WWP2: variants seen among roughly 807,000 people sequenced by gnomAD.
WWP2 encodes WW domain containing E3 ubiquitin protein ligase 2, also known as NEDD4-like E3 ubiquitin-protein ligase WWP2.
Under a neutral mutation model 121.0 loss-of-function variants are expected in WWP2, and 57 were observed. That is an observed-to-expected ratio of 0.47 (90% CI 0.38 to 0.59). WWP2 has a LOEUF of 0.59. WWP2 is among the 20% of genes least tolerant of loss of function. WWP2 has a pLI of 0.00. For missense variants in WWP2, 962 were observed against 1,158.9 expected, an observed-to-expected ratio of 0.83 and a Z score of 2.47; for synonymous variants, 449 against 441.3, an observed-to-expected ratio of 1.02 and a Z score of -0.22.
intron 4 of WWP2, among the ~76,000 whole-genome samples, chr16:69,804,639 G>T (rs1014972554): frequency 6.6e-6 from 1 of 151,678 alleles, no homozygotes; most frequent in Non-Finnish European, 1.5e-5. Flanking sequence ...AAGTCTTCAT[G>T]CTTCTTTTCT....
intron 4 of WWP2, among the ~76,000 whole-genome samples, chr16:69,814,700 C>T (rs1028960781): frequency 1.3e-5 from 2 of 152,126 alleles, no homozygotes; most frequent in Non-Finnish European, 1.5e-5. Context: ...CTTTACATTC[C>T]AAGAACAGAC....
intron 6 of WWP2, among the ~76,000 whole-genome samples, 191 bp downstream of exon 6, chr16:69,842,311 A>T (rs1189103474): frequency 6.6e-6 from 1 of 151,582 alleles, no homozygotes; most frequent in Admixed American, 6.6e-5. Context: ...TTTTTTTTTT[A>T]ATTGAATTTG....
chr16:69,864,006 A>T (rs1203230279), intron 6 of WWP2, among the ~76,000 whole-genome samples: 1 of 152,336 alleles, frequency 6.6e-6, no homozygotes, highest in East Asian at 1.9e-4. Flanking sequence ...GCTTACAAGC[A>T]AAGCCTCTAT....
rs2055808305 is a variant in WWP2, at chr16:69,787,034, G to T, written c.24G>T (p.Arg8=). The T allele has an allele frequency of 1.2e-6, 2 of 1,612,806 alleles. No individual in the cohort carries two copies. The highest frequency in any genetic ancestry group is 1.7e-4 in the Middle Eastern group (1 of 6,058). The change falls in exon 2 of 24, where the codon CGG becomes CGT. Residue 8 remains arginine, a synonymous_variant. Coordinates refer to ENST00000359154, the MANE Select transcript of WWP2 (RefSeq NM_001270454.2). MASASSS[R]AGVALPFEKS... The stretch of plus-strand genomic sequence containing the variant: ...ATATGGCATCTGCCAGCTCTAGCCG[G>T]GCAGGAGTGGCCCTGCCTTTTGAGA...
At chr16:69,889,850 G>GA (rs1160538365) in intron 8 of WWP2, among the ~76,000 whole-genome samples, 1 of 152,054 alleles carries the variant, frequency 6.6e-6, no homozygotes, top group Non-Finnish European at 1.5e-5. Context: ...ATTCATAAAG[G>GA]AAAAAAGAAG....
chr16:69,878,951 T>C (rs1023865906), intron 7 of WWP2, among the ~76,000 whole-genome samples: 1 of 152,184 alleles, frequency 6.6e-6, no homozygotes, highest in Non-Finnish European at 1.5e-5. Context: ...ATTCATAAAG[T>C]GGTATATGAG....
chr16:69,908,723 A>G (rs750497012), intron 8 of WWP2, 38 bp from the exon 9 acceptor site: 15 of 1,613,140 alleles, frequency 9.3e-6, no homozygotes, highest in Admixed American at 3.3e-5. Flanking sequence ...ATGCCTTTCC[A>G]CTGTGTGTCT....
intron 2 of WWP2, among the ~76,000 whole-genome samples, chr16:69,792,455 A>G (rs1212745235): frequency 6.6e-6 from 1 of 152,216 alleles, no homozygotes; most frequent in African/African-American, 2.4e-5. Context: ...GACTCTGTGT[A>G]TAAAGATATA....
At chr16:69,773,937 A>C (rs1219295923) in intron 1 of WWP2, among the ~76,000 whole-genome samples, 2 of 152,182 alleles carry the variant, frequency 1.3e-5, no homozygotes, top group African/African-American at 4.8e-5. Flanking sequence ...TCCTCAACCC[A>C]GCTTCATATT....
intron 4 of WWP2, among the ~76,000 whole-genome samples, chr16:69,806,431 G>A (rs1301825001): frequency 6.6e-6 from 1 of 152,134 alleles, no homozygotes; most frequent in African/African-American, 2.4e-5. Context: ...ATTTTATAAA[G>A]TAAATTGATG....
intron 10 of WWP2, among the ~76,000 whole-genome samples, chr16:69,921,510 C>A (rs1204864695): frequency 6.6e-6 from 1 of 152,240 alleles, no homozygotes; most frequent in Non-Finnish European, 1.5e-5. Context: ...TCTGCCTCAA[C>A]ACACACCTTC....
At chr16:69,930,306 G>A in intron 13 of WWP2, 48 bp downstream of exon 13, 1 of 1,603,154 alleles carries the variant, frequency 6.2e-7, no homozygotes, top group Non-Finnish European at 8.5e-7. Context: ...CGAGGCCCAG[G>A]CTGTCCTTGT....
intron 23 of WWP2, 148 bp from the exon 24 acceptor site, chr16:69,939,693 G>A (rs2058850834): frequency 1.3e-6 from 1 of 747,226 alleles, no homozygotes; most frequent in South Asian, 1.9e-5. Context: ...CATGGTCCAG[G>A]CACCTGCAAT....
intron 7 of WWP2, among the ~76,000 whole-genome samples, chr16:69,885,213 A>T (rs1355839888): frequency 6.6e-6 from 1 of 152,086 alleles, no homozygotes; most frequent in African/African-American, 2.4e-5. Flanking sequence ...GAATAAATTC[A>T]TCTAGCTCTG....
At chr16:69,763,727 A>G (rs760625605) in intron 1 of WWP2, among the ~76,000 whole-genome samples, 2 of 152,144 alleles carry the variant, frequency 1.3e-5, no homozygotes, top group African/African-American at 4.8e-5. Context: ...TAGATTGCAA[A>G]TCCTTCAAGG....
intron 6 of WWP2, among the ~76,000 whole-genome samples, chr16:69,859,302 C>T (rs1205726865): frequency 6.6e-6 from 1 of 152,120 alleles, no homozygotes; most frequent in Non-Finnish European, 1.5e-5. Context: ...CCTGTAATTC[C>T]AGCACTTTGG....
chr16:69,867,635 G>A (rs887101900), intron 6 of WWP2, among the ~76,000 whole-genome samples: 16 of 152,184 alleles, frequency 1.1e-4, no homozygotes, highest in Non-Finnish European at 7.3e-5. Flanking sequence ...GGTCCTGGTC[G>A]TGGCTGGCCT....
intron 6 of WWP2, among the ~76,000 whole-genome samples, chr16:69,861,684 G>A (rs1446403747): frequency 6.6e-6 from 1 of 150,964 alleles, no homozygotes; most frequent in Middle Eastern, 3.2e-3. Context: ...GAGTGGGGAG[G>A]AAGAATTGAG....
At chr16:69,832,943 C>A (rs1419987840) in intron 4 of WWP2, among the ~76,000 whole-genome samples, 1 of 152,210 alleles carries the variant, frequency 6.6e-6, no homozygotes, top group Non-Finnish European at 1.5e-5. Flanking sequence ...CAGCCTTGAC[C>A]TTCTGGGCTC....
Sources: gnomAD v4.1 joint callset for allele counts (sites outside exome capture counted in the v4.1 genomes callset) on GRCh38, gnomAD v4.1.1 for gene constraint, MANE v1.5 for transcripts, NCBI Gene and HGNC (gene_info 2026-07-23, HGNC 2026-07-21) for gene names.